AUTS2: variants seen among roughly 807,000 people sequenced by gnomAD.
AUTS2 encodes the protein activator of transcription and developmental regulator AUTS2.
A neutral mutation model predicts 112.4 loss-of-function variants in AUTS2; 17 were observed. The ratio of observed to expected loss-of-function variants is 0.15; its 90% CI spans 0.10 to 0.23. AUTS2 has a LOEUF of 0.23. Among genes scored for constraint, AUTS2 ranks in the 10% least tolerant of loss-of-function variants. The pLI, the probability that AUTS2 is intolerant of heterozygous loss-of-function variation, is 1.00. For synonymous variants in AUTS2, 751 were observed against 702.7 expected, an observed-to-expected ratio of 1.07 and a Z score of -1.09; for missense variants, 1,510 against 1,701.6, an observed-to-expected ratio of 0.89 and a Z score of 1.98.
At position 69,981,391 on chromosome 7, in the gene AUTS2, T is replaced by A. The variant is rs528136213; in HGVS notation, c.522+81893T>A. Among the ~76,000 whole-genome samples the A allele has an allele frequency of 1.1e-3, 163 of 152,380 alleles. 1 individual carries two copies. Among genetic ancestry groups the A allele is most frequent in the African/African-American group, 3.8e-3 (159 of 41,590 alleles). ...AACATTCACCCATGAGAAGGTAGGATGTATGTCATTTTTATTTTATAAGTG... is the reference window on the plus strand; with the variant it reads ...AACATTCACCCATGAGAAGGTAGGAAGTATGTCATTTTTATTTTATAAGTG... On this transcript the variant is annotated intron_variant, in intron 2 of 18. Coordinates refer to ENST00000342771, the MANE Select transcript of AUTS2 (RefSeq NM_015570.4).
At chr7:70,626,387 A>C (rs1473228528) in intron 5 of AUTS2, among the ~76,000 whole-genome samples, 1 of 147,492 alleles carries the variant, frequency 6.8e-6, no homozygotes, top group African/African-American at 2.5e-5. Flanking sequence ...AAAAAAAATT[A>C]TGTAAAAACT....
chr7:70,028,032 A>G (rs1470287168), intron 2 of AUTS2, among the ~76,000 whole-genome samples: 1 of 151,988 alleles, frequency 6.6e-6, no homozygotes, highest in African/African-American at 2.4e-5. Context: ...GCACACATTC[A>G]TCAACTGTTC....
chr7:69,868,571 T>C (rs542072762), intron 1 of AUTS2, among the ~76,000 whole-genome samples: 15 of 152,326 alleles, frequency 9.8e-5, no homozygotes, highest in Admixed American at 2.0e-4. Context: ...TCAGACCACA[T>C]AAGTAAGTCT....
At chr7:69,715,954 C>G (rs942124844) in intron 1 of AUTS2, among the ~76,000 whole-genome samples, 6 of 152,144 alleles carry the variant, frequency 3.9e-5, no homozygotes, top group African/African-American at 1.4e-4. Context: ...AGGAGAGGAA[C>G]CCAGGCAGTC....
At chr7:70,429,159 A>G (rs962482714) in intron 4 of AUTS2, among the ~76,000 whole-genome samples, 1 of 152,218 alleles carries the variant, frequency 6.6e-6, no homozygotes, top group Non-Finnish European at 1.5e-5. Flanking sequence ...TGCCTTTTAA[A>G]TCATACTTTG....
At position 70,331,516 on chromosome 7, in the gene AUTS2, A is replaced by ATTT. The variant is rs372805565; in HGVS notation, c.661-104224_661-104222dup. On this transcript the variant is annotated intron_variant, in intron 4 of 18. Transcript: ENST00000342771. Reference sequence around the variant, plus strand: ...AAAAAACTAGCTCCTGGACTCATTGATTTTTTTTTTTTTTGAAGGGTTTTT... The same window carrying ATTT: ...AAAAAACTAGCTCCTGGACTCATTGATTTTTTTTTTTTTTTTTGAAGGGTTTTT... Among the ~76,000 whole-genome samples the ATTT allele has an allele frequency of 8.1e-3, 1,146 of 140,772 alleles. 15 individuals carry two copies. Among genetic ancestry groups the ATTT allele is most frequent in the East Asian group, 0.048 (234 of 4,864 alleles). 92.4% of individuals were successfully genotyped at this position (140,772 alleles called of 152,430 possible).
chr7:69,980,804 A>C lies in AUTS2; in HGVS notation c.522+81306A>C, dbSNP rs116056001. On this transcript the variant is annotated intron_variant, in intron 2 of 18. Coordinates refer to ENST00000342771, the MANE Select transcript of AUTS2 (RefSeq NM_015570.4). ...TGATCTGGGATGAAGCCTTGGCGTC[A>C]ATTTTTTTAAAAAGATCCCCAGGAG... 5.2e-3 allele frequency among the ~76,000 whole-genome samples: 798 copies of C among 152,270 alleles called. 7 individuals carry two copies. The highest frequency in any genetic ancestry group is 0.018 in the African/African-American group (766 of 41,538).
intron 6 of AUTS2, among the ~76,000 whole-genome samples, chr7:70,731,631 A>G (rs570134002): frequency 2.6e-5 from 4 of 151,708 alleles, no homozygotes; most frequent in East Asian, 3.9e-4. Flanking sequence ...GGGTTTCACC[A>G]TGTTAGCCAG....
intron 1 of AUTS2, among the ~76,000 whole-genome samples, chr7:69,804,508 C>G (rs1047735426): frequency 6.6e-6 from 1 of 152,156 alleles, no homozygotes; most frequent in Non-Finnish European, 1.5e-5. Flanking sequence ...TCTCTACTTT[C>G]TAAGAGTCAG....
chr7:70,596,576 A>C (rs1007550862), intron 5 of AUTS2: 1 of 152,220 alleles, frequency 6.6e-6, no homozygotes, highest in Non-Finnish European at 1.5e-5. Flanking sequence ...CTTTGAACTT[A>C]GTCTTCTGGA....
chr7:70,286,707 G>A (rs1788476899), intron 4 of AUTS2, among the ~76,000 whole-genome samples: 2 of 152,082 alleles, frequency 1.3e-5, no homozygotes, highest in Admixed American at 1.3e-4. Flanking sequence ...AGTGAAGAGT[G>A]GTAGATCCTA....
rs1318545501 is a variant in AUTS2, at chr7:70,307,144, T to A, written c.661-128608T>A. On this transcript the variant is annotated intron_variant, in intron 4 of 18. Transcript: ENST00000342771. ...TTTGAAGAGGAAACCATCATGTTTT[T>A]AAATATGAAACATAATCATGTACTT... Among the ~76,000 whole-genome samples, 3 of 152,374 alleles carry A rather than the reference T, an allele frequency of 2.0e-5. No homozygotes were observed. In the East Asian group the frequency reaches 5.8e-4, roughly 29 times the overall value.
chr7:69,980,687 C>A (rs777247623), intron 2 of AUTS2, among the ~76,000 whole-genome samples: 6 of 151,902 alleles, frequency 3.9e-5, no homozygotes, highest in Non-Finnish European at 5.9e-5. Flanking sequence ...TGTAGAGCAG[C>A]GGTTTGCATC....
intron 4 of AUTS2, among the ~76,000 whole-genome samples, chr7:70,245,009 A>G (rs1182620888): frequency 6.6e-6 from 1 of 151,236 alleles, no homozygotes; most frequent in Non-Finnish European, 1.5e-5. Context: ...AATCCCAGCT[A>G]CTTGGGAGGC....
At chr7:69,638,966 T>A (rs1205225744) in intron 1 of AUTS2, among the ~76,000 whole-genome samples, 1 of 152,248 alleles carries the variant, frequency 6.6e-6, no homozygotes, top group Non-Finnish European at 1.5e-5. Flanking sequence ...TTGCTAGTGC[T>A]GAATAATGTC....
intron 18 of AUTS2, 32 bp downstream of exon 18, chr7:70,787,463 G>T (rs751757533): frequency 2.7e-6 from 4 of 1,487,554 alleles, no homozygotes; most frequent in Non-Finnish European, 3.7e-6. Flanking sequence ...GAGTCCCCAC[G>T]GGGGAGCCTG....
At chr7:70,062,041 G>A (rs1163800659) in intron 2 of AUTS2, among the ~76,000 whole-genome samples, 3 of 151,858 alleles carry the variant, frequency 2.0e-5, no homozygotes, top group Non-Finnish European at 4.4e-5. Context: ...ACCCACCTCG[G>A]CCTCCCAAAG....
chr7:70,789,591 G>C lies in AUTS2; in HGVS notation c.2532-157G>C, dbSNP rs115071349. On this transcript the variant is annotated intron_variant, in intron 18 of 18. Transcript: ENST00000342771. ...TAGGTAAGTAGGATAAGGGTGGCTG[G>C]CTCTGCCCTGTCCAGGGCACGGCTG... Among the ~76,000 whole-genome samples, 2,294 of 152,134 alleles carry C rather than the reference G, an allele frequency of 0.015. 57 individuals are homozygous for C. Among genetic ancestry groups the C allele is most frequent in the African/African-American group, 0.053 (2,179 of 41,496 alleles).
At chr7:70,082,975 A>G (rs934756263) in intron 2 of AUTS2, among the ~76,000 whole-genome samples, 1 of 152,194 alleles carries the variant, frequency 6.6e-6, no homozygotes, top group African/African-American at 2.4e-5. Flanking sequence ...CAAAGCAGGA[A>G]TATTCTTTTA....
Sources: allele counts gnomAD v4.1 joint callset (sites outside exome capture counted in the v4.1 genomes callset), GRCh38; gene constraint gnomAD v4.1.1; transcripts MANE v1.5; gene names NCBI Gene and HGNC (gene_info 2026-07-23, HGNC 2026-07-21).